The following NEGR1 variants were observed in gnomAD, a reference collection of about 807,000 sequenced individuals.
NEGR1 encodes neuronal growth regulator 1, also known as IgLON family member 4.
In NEGR1, 10 loss-of-function variants were observed where a neutral mutation model predicts 40.9. That is an observed-to-expected ratio of 0.24 (90% CI 0.15 to 0.42). NEGR1 has a LOEUF of 0.42. Among genes scored for constraint, NEGR1 ranks in the 10% least tolerant of loss-of-function variants. NEGR1 has a pLI of 1.00. For missense variants in NEGR1, 352 were observed against 438.9 expected (o/e 0.80, Z 1.77); for synonymous variants, 185 against 166.8 (o/e 1.11, Z -0.84).
intron 6 of NEGR1, chr1:71,477,099 T>G (rs1215438314): frequency 3.9e-5 from 6 of 152,196 alleles, no homozygotes; most frequent in African/African-American, 1.4e-4. Flanking sequence ...AAATCAATTT[T>G]AATTCTAATC....
chr1:71,679,067 T>C (rs1448191516), intron 4 of NEGR1, among the ~76,000 whole-genome samples: 1 of 152,144 alleles, frequency 6.6e-6, no homozygotes, highest in African/African-American at 2.4e-5. Flanking sequence ...GAAACAGATC[T>C]GGCTTGGAGT....
chr1:71,543,833 A>T (rs1647798640), intron 6 of NEGR1, among the ~76,000 whole-genome samples: 1 of 151,748 alleles, frequency 6.6e-6, no homozygotes, highest in Non-Finnish European at 1.5e-5. Flanking sequence ...GAAGAAAGTG[A>T]TTCTTATGCC....
At chr1:72,006,248 T>C (rs1032978835) in intron 1 of NEGR1, among the ~76,000 whole-genome samples, 1 of 152,198 alleles carries the variant, frequency 6.6e-6, no homozygotes, top group Non-Finnish European at 1.5e-5. Flanking sequence ...TATGAAAGTA[T>C]TTCCAGCTCT....
chr1:71,510,187 G>T (rs1268034966), intron 6 of NEGR1, among the ~76,000 whole-genome samples: 1 of 152,164 alleles, frequency 6.6e-6, no homozygotes, highest in Non-Finnish European at 1.5e-5. Flanking sequence ...GTGGGATGTT[G>T]TATTATCCCT....
At chr1:71,598,561 C>A (rs1329958723) in intron 5 of NEGR1, among the ~76,000 whole-genome samples, 1 of 152,108 alleles carries the variant, frequency 6.6e-6, no homozygotes, top group Non-Finnish European at 1.5e-5. Flanking sequence ...TAGGTTCTCT[C>A]CTCCTTCCCT....
rs1646280026 is a variant in NEGR1 at position 71,406,721 on chromosome 1, T to TAG, written c.*723_*724dup. The TAG allele has an allele frequency of 6.6e-6, 1 of 152,512 alleles. No homozygotes were observed. Among genetic ancestry groups the TAG allele is most frequent in the Non-Finnish European group, 1.5e-5 (1 of 67,976 alleles). 9.4% of individuals were successfully genotyped at this position (152,512 alleles called of 1,614,324 possible). ...CAATAGCTCCTTCGTTACTTAGAGATAGTGTATGGTTTAACTTGATCACTC... is the reference window on the plus strand; with the variant it reads ...CAATAGCTCCTTCGTTACTTAGAGATAGAGTGTATGGTTTAACTTGATCACTC... On this transcript the variant is annotated 3_prime_UTR_variant, in exon 7 of 7. Transcript: ENST00000357731.
At chr1:71,540,694 T>A (rs1397106269) in intron 6 of NEGR1, among the ~76,000 whole-genome samples, 2 of 151,718 alleles carry the variant, frequency 1.3e-5, no homozygotes, top group Non-Finnish European at 2.9e-5. Flanking sequence ...CTTAGTCATA[T>A]GAGGTATGTC....
chr1:72,178,770 T>C (rs544127835), intron 1 of NEGR1, among the ~76,000 whole-genome samples: 1 of 151,988 alleles, frequency 6.6e-6, no homozygotes, highest in Non-Finnish European at 1.5e-5. Context: ...GGTATCTCAT[T>C]TTGGTTTTCA....
chr1:72,119,589 T>C (rs1026929363), intron 1 of NEGR1, among the ~76,000 whole-genome samples: 8 of 152,052 alleles, frequency 5.3e-5, no homozygotes, highest in Admixed American at 4.6e-4. Context: ...GTAGTATTCA[T>C]ATTGTCGTGT....
At chr1:72,103,127 A>C (rs1421692380) in intron 1 of NEGR1, among the ~76,000 whole-genome samples, 1 of 151,960 alleles carries the variant, frequency 6.6e-6, no homozygotes, top group Non-Finnish European at 1.5e-5. Context: ...ACATCATACC[A>C]TGTGTTTTGT....
chr1:72,131,762 G>A (rs1650260215), intron 1 of NEGR1, among the ~76,000 whole-genome samples: 1 of 152,132 alleles, frequency 6.6e-6, no homozygotes, highest in South Asian at 2.1e-4. Context: ...CTACATTAGT[G>A]AACCAATATA....
chr1:72,063,231 A>C (rs1000850150), intron 1 of NEGR1, among the ~76,000 whole-genome samples: 1 of 151,872 alleles, frequency 6.6e-6, no homozygotes, highest in East Asian at 1.9e-4. Context: ...TGTTTTACAC[A>C]TGTGTTTTCT....
Position 71,764,505 on chromosome 1 carries a change from G to C in NEGR1, c.535+11667C>G, listed in dbSNP as rs141765414. Among the ~76,000 whole-genome samples, 1,462 of 152,030 alleles carry C rather than the reference G, an allele frequency of 9.6e-3. 10 individuals carry two copies. The highest frequency in any genetic ancestry group is 0.015 in the Non-Finnish European group (1,044 of 68,026). ...ATGATGTTAGACAAAAAGTAAATCC[G>C]AGTGATTTTCTTATTCAAGTTCAAA... On this transcript the variant is annotated intron_variant, in intron 3 of 6. Coordinates refer to ENST00000357731, the MANE Select transcript of NEGR1 (RefSeq NM_173808.3).
chr1:72,009,059 A>G (rs554355754), intron 1 of NEGR1, among the ~76,000 whole-genome samples: 1 of 152,012 alleles, frequency 6.6e-6, no homozygotes, highest in African/African-American at 2.4e-5. Flanking sequence ...CATATTACAC[A>G]TTATGATCTA....
chr1:71,557,394 GAGA>G (rs1383794485), intron 6 of NEGR1, among the ~76,000 whole-genome samples: 1 of 151,584 alleles, frequency 6.6e-6, no homozygotes, highest in Non-Finnish European at 1.5e-5. Context: ...GGAAGTGTGG[GAGA>G]AGAAGGATGT....
In NEGR1 at chr1:71,638,149, G is replaced by A. The variant is rs111356956; in HGVS notation, c.668-27003C>T. Among the ~76,000 whole-genome samples, 780 of 152,056 alleles carry A rather than the reference G, an allele frequency of 5.1e-3. 6 individuals carry two copies. Among genetic ancestry groups the A allele is most frequent in the Middle Eastern group, 0.027 (8 of 294 alleles). ...TTATTCCACAAGCACTTTAAACATGGCTATCTCTGCTCAATTAATCTTAGA... is the reference window on the plus strand; with the variant it reads ...TTATTCCACAAGCACTTTAAACATGACTATCTCTGCTCAATTAATCTTAGA... On this transcript the variant is annotated intron_variant, in intron 4 of 6. Coordinates refer to ENST00000357731, the MANE Select transcript of NEGR1 (RefSeq NM_173808.3).
chr1:71,448,639 T>C lies in NEGR1; in HGVS notation c.941-41069A>G, dbSNP rs561716509. On this transcript the variant is annotated intron_variant, in intron 6 of 6. Transcript: ENST00000357731. ...GTCGCTGAGAGAGATTAGAGAAAAT[T>C]ACGCAACATTTTAGAGGCAGAAAGC... is the stretch of plus-strand genomic sequence containing the variant. Among the ~76,000 whole-genome samples the C allele has an allele frequency of 3.4e-4, 51 of 151,948 alleles. No homozygotes were observed. The South Asian group carries it at 0.01, about 31-fold the overall frequency.
chr1:72,125,620 C>T (rs887177733), intron 1 of NEGR1, among the ~76,000 whole-genome samples: 1 of 152,064 alleles, frequency 6.6e-6, no homozygotes, highest in South Asian at 2.1e-4. Flanking sequence ...AAGGGATATA[C>T]ACAGAGCACA....
rs535663967 is a variant in NEGR1, at chr1:72,268,995, G to A, written c.176+13324C>T. On this transcript the variant is annotated intron_variant, in intron 1 of 6. Transcript: ENST00000357731. ...CATCATAAAATTTACACTTCTCTTG[G>A]GTACACATGCAAAGTCTCTAGAAGA... Among the ~76,000 whole-genome samples the A allele has an allele frequency of 8.6e-5, 13 of 151,380 alleles. No individual in the cohort carries two copies. In the South Asian group the frequency reaches 2.7e-3, roughly 31 times the overall value.
Sources: gnomAD v4.1 joint callset for allele counts (sites outside exome capture counted in the v4.1 genomes callset) on GRCh38, gnomAD v4.1.1 for gene constraint, MANE v1.5 for transcripts, NCBI Gene and HGNC (gene_info 2026-07-23, HGNC 2026-07-21) for gene names.